NOL4L: variants seen among roughly 807,000 people sequenced by gnomAD.
The protein encoded by NOL4L is nucleolar protein 4 like, also known as nucleolar protein 4-like.
Under a neutral mutation model 64.5 loss-of-function variants are expected in NOL4L, and 7 were observed. The observed-to-expected ratio is 0.11, with a 90% confidence interval of 0.06 to 0.20. The LOEUF (loss-of-function observed/expected upper bound fraction) is 0.20, where lower values mean the gene tolerates loss of function less well. Among genes scored for constraint, NOL4L ranks in the 10% least tolerant of loss-of-function variants. The probability of loss-of-function intolerance (pLI) is 1.00; values close to 1 mark genes in which losing one functional copy is unlikely to be tolerated. For missense variants in NOL4L, 680 were observed against 967.1 expected (o/e 0.70, Z 3.94); for synonymous variants, 413 against 401.0 (o/e 1.03, Z -0.36).
chr20:32,557,519 G>A (rs547989238), intron 1 of NOL4L, among the ~76,000 whole-genome samples: 5 of 152,350 alleles, frequency 3.3e-5, no homozygotes, highest in East Asian at 3.9e-4. Flanking sequence ...AGAGGATGGC[G>A]GAGGGCTCTA....
At chr20:32,529,529 C>T (rs952748823) in intron 1 of NOL4L, among the ~76,000 whole-genome samples, 3 of 152,160 alleles carry the variant, frequency 2.0e-5, no homozygotes, top group South Asian at 2.1e-4. Context: ...CACGTTCTGG[C>T]ACAGACAGGT....
intron 2 of NOL4L, among the ~76,000 whole-genome samples, chr20:32,523,358 C>T (rs1255448516): frequency 6.6e-6 from 1 of 152,192 alleles, no homozygotes; most frequent in East Asian, 1.9e-4. Flanking sequence ...TCCAGCCCAG[C>T]TCTGCACTGC....
At chr20:32,486,905 C>A in intron 4 of NOL4L, 2 of 407,704 alleles carry the variant, frequency 4.9e-6, no homozygotes, top group Admixed American at 3.2e-5. Flanking sequence ...AGAGAAACTC[C>A]ACAACACAAC....
intron 4 of NOL4L, among the ~76,000 whole-genome samples, chr20:32,499,981 G>A (rs983806152): frequency 6.6e-6 from 1 of 152,102 alleles, no homozygotes. Flanking sequence ...AGTTTTAAAG[G>A]TGTCATCTCA....
rs1210483779 is a variant in NOL4L at position 32,518,751 on chromosome 20, C to T, written c.589+2060G>A. ...CAGGCAGTCACCACTAGGACACACA[C>T]CCCTGGCCCCTGCGGCCTAAACCCT... is the stretch of plus-strand genomic sequence containing the variant. On this transcript the variant is annotated intron_variant, in intron 3 of 10. Transcript: ENST00000621426. Among the ~76,000 whole-genome samples the T allele has an allele frequency of 3.9e-5, 6 of 152,348 alleles. No homozygotes were observed. In the South Asian group the frequency reaches 6.2e-4, roughly 16 times the overall value.
intron 1 of NOL4L, among the ~76,000 whole-genome samples, chr20:32,544,451 C>T (rs1230869300): frequency 6.6e-6 from 1 of 152,082 alleles, no homozygotes; most frequent in Non-Finnish European, 1.5e-5. Context: ...CCTCCCTGCG[C>T]CAGGCTAAGG....
At chr20:32,489,367 A>T (rs2016362214) in intron 4 of NOL4L, among the ~76,000 whole-genome samples, 1 of 151,344 alleles carries the variant, frequency 6.6e-6, no homozygotes, top group Non-Finnish European at 1.5e-5. Flanking sequence ...TTTATTTTTT[A>T]TTTTTGAAAC....
intron 1 of NOL4L, among the ~76,000 whole-genome samples, chr20:32,567,207 G>A (rs536758787): frequency 4.8e-4 from 73 of 152,316 alleles, no homozygotes; most frequent in African/African-American, 1.1e-3. Flanking sequence ...CTGGGGCTGC[G>A]TCAGGGAAAC....
intron 4 of NOL4L, chr20:32,475,266 TTC>T: frequency 5.1e-6 from 5 of 985,464 alleles, no homozygotes; most frequent in Non-Finnish European, 6.0e-6. Flanking sequence ...CAGAGGACGT[TTC>T]TGTCTTCCTC....
rs1052016977 is a variant in NOL4L at position 32,443,968 on chromosome 20, C to T, written c.*3628G>A. On this transcript the variant is annotated 3_prime_UTR_variant, in exon 11 of 11. Coordinates refer to ENST00000621426, the MANE Select transcript of NOL4L (RefSeq NM_001256798.2). The stretch of plus-strand genomic sequence containing the variant: ...TGTTTTTCAGCCAATCTGAGTTCTA[C>T]GTGGTATAGGTTTTTTGTTGTATTT... 3.9e-5 allele frequency: 6 copies of T among 152,304 alleles called. No individual in the cohort carries two copies. Among genetic ancestry groups the T allele is most frequent in the Middle Eastern group, 3.4e-3 (1 of 294 alleles). The allele number at this position is 152,304 out of a possible 1,614,324, so 9.4% of individuals were successfully genotyped here.
chr20:32,533,762 G>T (rs1600846808), intron 1 of NOL4L, among the ~76,000 whole-genome samples: 1 of 152,188 alleles, frequency 6.6e-6, no homozygotes, highest in Non-Finnish European at 1.5e-5. Context: ...TCCCTTGGCA[G>T]GTCCTTTCTG....
Position 32,463,378 on chromosome 20 carries a change from A to G in NOL4L, c.842-6983T>C, listed in dbSNP as rs1235532679. ...TGCTGGGGCCCAGTGTGATGAAAGC[A>G]GGGTGGGCCTGCCCCCAGCCCATGG... On this transcript the variant is annotated intron_variant, in intron 5 of 10. Transcript: ENST00000621426. This position sits in a 1 kb window ranked among gnomAD's most constrained non-coding sequence, Gnocchi z 5.8. Among the ~76,000 whole-genome samples, 2 of 152,198 alleles carry G rather than the reference A, an allele frequency of 1.3e-5. No homozygotes were observed. The highest frequency in any genetic ancestry group is 6.5e-5 in the Admixed American group (1 of 15,288).
At chr20:32,533,096 G>A (rs924226623) in intron 1 of NOL4L, among the ~76,000 whole-genome samples, 1 of 151,998 alleles carries the variant, frequency 6.6e-6, no homozygotes, top group Admixed American at 6.6e-5. Context: ...GTCTAGCCTG[G>A]GCAACACAGC....
chr20:32,452,689 G>A (rs534771620), intron 9 of NOL4L, among the ~76,000 whole-genome samples, 195 bp downstream of exon 9: 5 of 152,212 alleles, frequency 3.3e-5, no homozygotes, highest in East Asian at 1.9e-4. Context: ...CCAGGCTTCC[G>A]TATGAGGTCT....
chr20:32,584,340 G>C (rs1482714182), intron 1 of NOL4L, among the ~76,000 whole-genome samples: 2 of 151,168 alleles, frequency 1.3e-5, no homozygotes, highest in Non-Finnish European at 3.0e-5. Context: ...GCACGGCCAC[G>C]GCCCGGGCAG....
chr20:32,498,989 C>G (rs1328484832), intron 4 of NOL4L, among the ~76,000 whole-genome samples: 1 of 151,944 alleles, frequency 6.6e-6, no homozygotes, highest in East Asian at 2.0e-4. Context: ...AAGTGATTCT[C>G]CTGCCTCAAC....
chr20:32,468,376 G>A (rs559075208), intron 5 of NOL4L, among the ~76,000 whole-genome samples: 5 of 152,092 alleles, frequency 3.3e-5, no homozygotes, highest in Admixed American at 1.3e-4. Context: ...TCCTGGCATC[G>A]GGCACCTCCT....
chr20:32,452,382 T>C lies in NOL4L; in HGVS notation c.1676A>G (p.His559Arg), dbSNP rs1486209948. The C allele has an allele frequency of 1.9e-6, 3 of 1,610,134 alleles. No homozygotes were observed. Among genetic ancestry groups the C allele is most frequent in the South Asian group, 1.1e-5 (1 of 90,646 alleles). ...GGAGGCTGGCAGTGAGTAGGTGGAG[T>C]GGGTGATGGCTGCGGAGTCCCGCGA... Reference protein sequence around the residue: ...QHSRDSAAITHSTYSLPASSY... With the variant: ...QHSRDSAAITRSTYSLPASSY... Residue 559 changes from histidine to arginine, a missense_variant, in exon 10 of 11, where the codon CAC (histidine) becomes CGC (arginine). His to Arg is a conservative substitution (Grantham distance 29). This residue lies in a region of NOL4L where 175 missense variants were observed against 227.0 expected (regional missense o/e 0.77). Transcript: ENST00000621426.
chr20:32,539,227 A>G (rs958402445), intron 1 of NOL4L, among the ~76,000 whole-genome samples: 2 of 152,202 alleles, frequency 1.3e-5, no homozygotes, highest in African/African-American at 4.8e-5. Flanking sequence ...TTCTGCAGCC[A>G]TCCTGCCTAG....
Sources: allele counts gnomAD v4.1 joint callset (sites outside exome capture counted in the v4.1 genomes callset), GRCh38; gene constraint gnomAD v4.1.1; regional missense constraint gnomAD v4.1.1; non-coding constraint Gnocchi (gnomAD v3.1); transcripts MANE v1.5; gene names NCBI Gene and HGNC (gene_info 2026-07-23, HGNC 2026-07-21).